The following ABCA10 variants were observed in gnomAD, a reference collection of about 807,000 sequenced individuals.
ABCA10 encodes the protein ATP binding cassette subfamily A member 10.
ABCA10 carries 169 observed loss-of-function variants against 187.5 expected under a neutral mutation model. That is an observed-to-expected ratio of 0.90 (90% confidence interval 0.80 to 1.02). The LOEUF is 1.02. Ranked by LOEUF, ABCA10 falls within the 50% of genes least tolerant of loss-of-function variation. The probability of loss-of-function intolerance (pLI) is 0.00; values close to 1 mark genes in which losing one functional copy is unlikely to be tolerated. For synonymous variants in ABCA10, 574 were observed against 601.8 expected (o/e 0.95, Z 0.68); for missense variants, 1,727 against 1,812.4 (o/e 0.95, Z 0.86).
intron 10 of ABCA10, among the ~76,000 whole-genome samples, chr17:69,198,897 T>C (rs936456014): frequency 6.6e-6 from 1 of 152,216 alleles, no homozygotes; most frequent in Non-Finnish European, 1.5e-5. Context: ...CTTAAAATCA[T>C]TCAGTGATTC....
rs185813068 is a variant in ABCA10 at position 69,242,228 on chromosome 17, T to C, written c.-593+2301A>G. ...CACATAACAATATCAATAGTATAATTTGGCCAAAGAAATTACTAGCCAATA... is the reference window on the plus strand; with the variant it reads ...CACATAACAATATCAATAGTATAATCTGGCCAAAGAAATTACTAGCCAATA... On this transcript the variant is annotated intron_variant, in intron 1 of 39. Coordinates refer to the ABCA10 transcript ENST00000269081. 4.5e-3 allele frequency among the ~76,000 whole-genome samples: 693 copies of C among 152,316 alleles called. 4 individuals carry two copies. The highest frequency in any genetic ancestry group is 6.6e-3 in the Non-Finnish European group (452 of 68,032).
intron 11 of ABCA10, among the ~76,000 whole-genome samples, chr17:69,195,600 T>C (rs2074493718): frequency 7.9e-6 from 1 of 126,026 alleles, no homozygotes; most frequent in Non-Finnish European, 1.6e-5. Context: ...CTTGGGTGTT[T>C]CTCAGAGAGG....
chr17:69,180,891 T>C (rs970829763), intron 22 of ABCA10, among the ~76,000 whole-genome samples: 1 of 152,176 alleles, frequency 6.6e-6, no homozygotes, highest in Admixed American at 6.5e-5. Flanking sequence ...TATAATTTTT[T>C]CCCTTTTTTA....
chr17:69,153,655 C>T (rs1020229030), intron 32 of ABCA10, 109 bp from the exon 33 acceptor site: 2 of 1,473,886 alleles, frequency 1.4e-6, no homozygotes, highest in East Asian at 2.3e-5. Flanking sequence ...ATTTAAGCTT[C>T]CTTAACGTTT....
At chr17:69,169,382 C>G (rs1405927618) in intron 25 of ABCA10, among the ~76,000 whole-genome samples, 2 of 152,090 alleles carry the variant, frequency 1.3e-5, no homozygotes, top group African/African-American at 2.4e-5. Context: ...TTTCTAAAAG[C>G]CTAAAACAGA....
At chr17:69,156,758 A>T in intron 28 of ABCA10, 74 bp downstream of exon 28, 1 of 967,076 alleles carries the variant, frequency 1.0e-6, no homozygotes, top group Non-Finnish European at 1.4e-6. Flanking sequence ...AAAACAAATA[A>T]ATAAATGAAA....
At chr17:69,204,048 C>T (rs141779181) in intron 9 of ABCA10, among the ~76,000 whole-genome samples, 1 of 152,106 alleles carries the variant, frequency 6.6e-6, no homozygotes, top group Non-Finnish European at 1.5e-5. Context: ...CTGTACATTC[C>T]CTATCAAGTG....
intron 9 of ABCA10, among the ~76,000 whole-genome samples, chr17:69,206,716 T>C (rs1298640138): frequency 1.3e-5 from 2 of 152,204 alleles, no homozygotes; most frequent in African/African-American, 2.4e-5. Context: ...AATAGATTTA[T>C]TGGGATGAAA....
At chr17:69,190,859 G>A (rs1323804395) in intron 17 of ABCA10, among the ~76,000 whole-genome samples, 1 of 151,534 alleles carries the variant, frequency 6.6e-6, no homozygotes, top group African/African-American at 2.4e-5. Context: ...CTATTGAACT[G>A]CTTACATATA....
At chr17:69,192,741 G>A in intron 15 of ABCA10, 88 bp from the exon 16 acceptor site, 1 of 1,127,016 alleles carries the variant, frequency 8.9e-7, no homozygotes, top group African/African-American at 1.6e-5. Context: ...AACACTGAAT[G>A]AAATTTGTAA....
intron 19 of ABCA10, among the ~76,000 whole-genome samples, chr17:69,186,077 TATTTTA>T (rs2074418669): frequency 6.6e-6 from 1 of 152,366 alleles, no homozygotes; most frequent in South Asian, 2.1e-4. Flanking sequence ...AGTTTACAAA[TATTTTA>T]ATTTTCAGGA....
intron 16 of ABCA10, 100 bp downstream of exon 16, chr17:69,192,462 CA>C: frequency 2.0e-6 from 2 of 990,172 alleles, no homozygotes; most frequent in Non-Finnish European, 3.0e-6. Context: ...CAGTTTCTAC[CA>C]GAAGTTAAGT....
intron 1 of ABCA10, among the ~76,000 whole-genome samples, chr17:69,242,643 T>C (rs898240116): frequency 3.3e-5 from 5 of 152,162 alleles, no homozygotes; most frequent in Non-Finnish European, 7.3e-5. Context: ...TTTATATTTT[T>C]AGTAGAGACA....
intron 28 of ABCA10, 123 bp from the exon 29 acceptor site, chr17:69,156,048 A>G: frequency 8.6e-7 from 1 of 1,169,434 alleles, no homozygotes; most frequent in Admixed American, 2.7e-5. Flanking sequence ...TTAATTTATT[A>G]CCTACAAGAT....
chr17:69,166,796 T>A (rs2074257622), intron 25 of ABCA10, among the ~76,000 whole-genome samples: 1 of 152,206 alleles, frequency 6.6e-6, no homozygotes, highest in Non-Finnish European at 1.5e-5. Context: ...TAAGTGTATC[T>A]GCCTGAACGC....
At chr17:69,158,972 C>CT (rs1382632539) in intron 27 of ABCA10, among the ~76,000 whole-genome samples, 3 of 151,770 alleles carry the variant, frequency 2.0e-5, no homozygotes, top group Non-Finnish European at 2.9e-5. Flanking sequence ...ACTAAATGCC[C>CT]TTTTTTGGAA....
At chr17:69,208,187 G>A (rs983555332) in intron 9 of ABCA10, among the ~76,000 whole-genome samples, 1 of 152,184 alleles carries the variant, frequency 6.6e-6, no homozygotes, top group African/African-American at 2.4e-5. Flanking sequence ...GGAGGCTGAG[G>A]TGGGCAGATC....
chr17:69,148,706 T>C lies in ABCA10; in HGVS notation c.*121A>G. The C allele has an allele frequency of 1.2e-6, 1 of 848,582 alleles. No individual in the cohort carries two copies. The highest frequency in any genetic ancestry group is 2.7e-5 in the East Asian group (1 of 37,526). The allele number at this position is 848,582 out of a possible 1,614,324, so 52.6% of individuals were successfully genotyped here. A position where few individuals can be genotyped will look rare whatever the true frequency, so the allele number is the denominator to read the frequency against. On this transcript the variant is annotated 3_prime_UTR_variant, in exon 39 of 39. Coordinates refer to ENST00000690296, the MANE Select transcript of ABCA10 (RefSeq NM_001377321.1). ...TTTTTAAAAATGAAAACTGTAATCA[T>C]TATTGAATGTTTATTAAATGTTTTC... is the stretch of plus-strand genomic sequence containing the variant.
chr17:69,184,521 G>A lies in ABCA10; in HGVS notation c.2497+956C>T, dbSNP rs182745964. Among the ~76,000 whole-genome samples, 514 of 152,134 alleles carry A rather than the reference G, an allele frequency of 3.4e-3. 1 individual carries two copies. Among genetic ancestry groups the A allele is most frequent in the Non-Finnish European group, 6.0e-3 (410 of 68,004 alleles). ...CACCAGAACAGGTGCTGGTACCCAC[G>A]GCTGCGAGACCTGAAGATGGATCAA... On this transcript the variant is annotated intron_variant, in intron 20 of 38. Coordinates refer to ENST00000690296, the MANE Select transcript of ABCA10 (RefSeq NM_001377321.1).
Sources: gnomAD v4.1 joint callset for allele counts (sites outside exome capture counted in the v4.1 genomes callset) on GRCh38, gnomAD v4.1.1 for gene constraint, MANE v1.5 for transcripts, NCBI Gene and HGNC (gene_info 2026-07-23, HGNC 2026-07-21) for gene names.